The following ANKFN1 variants were observed in gnomAD, a reference collection of about 807,000 sequenced individuals.
ANKFN1 encodes the protein ankyrin repeat and fibronectin type-III domain-containing protein 1.
In ANKFN1, 74 loss-of-function variants were observed where a neutral mutation model predicts 108.7. That is an observed-to-expected ratio of 0.68 (90% CI 0.56 to 0.83). The LOEUF is 0.83. ANKFN1 is among the 40% of genes least tolerant of loss of function. The pLI is 0.00. For synonymous variants in ANKFN1, 547 were observed against 516.2 expected (o/e 1.06, Z -0.81); for missense variants, 1,505 against 1,382.3 (o/e 1.09, Z -1.41).
chr17:56,330,264 C>T (rs1305162680), intron 4 of ANKFN1, among the ~76,000 whole-genome samples: 1 of 152,168 alleles, frequency 6.6e-6, no homozygotes, highest in Non-Finnish European at 1.5e-5. Flanking sequence ...AAAGGAGAAG[C>T]AAAGGCATAT....
intron 3 of ANKFN1, among the ~76,000 whole-genome samples, chr17:56,282,019 CA>C (rs2144248911): frequency 6.6e-6 from 1 of 152,260 alleles, no homozygotes; most frequent in African/African-American, 2.4e-5. Flanking sequence ...TATGTCCATT[CA>C]AAGACCTGTA....
intron 1 of ANKFN1, chr17:56,207,100 T>A (rs1167259927): frequency 1.3e-5 from 2 of 152,214 alleles, no homozygotes; most frequent in Non-Finnish European, 2.9e-5. Context: ...CTTTTTATAT[T>A]TCTCCATCTG....
chr17:56,236,419 C>G (rs1220988984), intron 3 of ANKFN1, among the ~76,000 whole-genome samples: 1 of 152,026 alleles, frequency 6.6e-6, no homozygotes. Flanking sequence ...CCCTAGTTAG[C>G]TGTATTCCTA....
At chr17:56,131,052 A>G (rs1307410674) in intron 4 of ANKFN1, among the ~76,000 whole-genome samples, 1 of 152,114 alleles carries the variant, frequency 6.6e-6, no homozygotes, top group Non-Finnish European at 1.5e-5. Context: ...GTTGAAAGAA[A>G]CCCAGCTTTG....
chr17:56,279,815 G>A (rs1481970353), intron 3 of ANKFN1, among the ~76,000 whole-genome samples: 1 of 152,110 alleles, frequency 6.6e-6, no homozygotes, highest in Non-Finnish European at 1.5e-5. Flanking sequence ...AGTTTTGAAA[G>A]TTTAGGCAAC....
intron 4 of ANKFN1, among the ~76,000 whole-genome samples, chr17:56,343,243 T>A (rs2046006819): frequency 6.6e-6 from 1 of 152,012 alleles, no homozygotes; most frequent in Admixed American, 6.6e-5. Flanking sequence ...CTATCTAGTG[T>A]TCTTTCATTT....
intron 3 of ANKFN1, among the ~76,000 whole-genome samples, chr17:56,277,649 C>A (rs561882355): frequency 5.9e-5 from 9 of 152,208 alleles, no homozygotes; most frequent in Non-Finnish European, 7.4e-5. Context: ...CAGAATCAAA[C>A]CCAAATATGG....
intron 4 of ANKFN1, among the ~76,000 whole-genome samples, chr17:56,091,170 C>T (rs1010259914): frequency 6.6e-6 from 1 of 150,690 alleles, no homozygotes; most frequent in South Asian, 2.1e-4. Flanking sequence ...AATGGTAGAA[C>T]GTGAAAGAGA....
chr17:56,477,316 A>G (rs2050534700), intron 15 of ANKFN1, among the ~76,000 whole-genome samples, 172 bp from the exon 16 acceptor site: 1 of 152,212 alleles, frequency 6.6e-6, no homozygotes, highest in African/African-American at 2.4e-5. Flanking sequence ...AGGTAAGAGT[A>G]GCTGTACCAC....
intron 6 of ANKFN1, among the ~76,000 whole-genome samples, chr17:56,363,038 A>G (rs2046564772): frequency 1.3e-5 from 2 of 152,004 alleles, no homozygotes; most frequent in South Asian, 4.2e-4. Flanking sequence ...GTGAAACTCC[A>G]TCTCTACTAA....
intron 6 of ANKFN1, among the ~76,000 whole-genome samples, chr17:56,359,622 A>G (rs2046461441): frequency 6.6e-6 from 1 of 152,120 alleles, no homozygotes; most frequent in African/African-American, 2.4e-5. Context: ...CAATTACAGA[A>G]TTGCTGTCAT....
intron 8 of ANKFN1, among the ~76,000 whole-genome samples, chr17:56,378,379 A>T (rs955714934): frequency 2.0e-5 from 3 of 152,180 alleles, no homozygotes; most frequent in African/African-American, 7.2e-5. Context: ...AAGAATGGAG[A>T]AAACCCTGAC....
rs546820409 is a variant in ANKFN1, at chr17:56,480,718, G to A, written c.1991G>A (p.Ser664Asn). ...QKLSGSESME[S>N]VDHTSDCPMQ... ...CTTTCTGGCTCTGAATCTATGGAAA[G>A]TGTGGATCATACTTCTGACTGCCCC... is the stretch of plus-strand genomic sequence containing the variant. The change falls in exon 17 of 21, where the codon AGT (serine) becomes AAT (asparagine). Residue 664 changes from serine to asparagine, a missense_variant. Coordinates refer to ENST00000682825, the MANE Select transcript of ANKFN1 (RefSeq NM_001370326.1). 6.8e-6 allele frequency: 11 copies of A among 1,614,058 alleles called. No homozygotes were observed. Among genetic ancestry groups the A allele is most frequent in the African/African-American group, 5.3e-5 (4 of 75,034 alleles).
At chr17:56,215,357 G>A (rs1013312791) in intron 2 of ANKFN1, among the ~76,000 whole-genome samples, 2 of 152,204 alleles carry the variant, frequency 1.3e-5, no homozygotes, top group African/African-American at 4.8e-5. Flanking sequence ...AAATTGGGAT[G>A]AGAATAGCAC....
chr17:56,059,839 G>GTA (rs1226166801), intron 4 of ANKFN1, among the ~76,000 whole-genome samples: 1 of 152,160 alleles, frequency 6.6e-6, no homozygotes, highest in Non-Finnish European at 1.5e-5. Flanking sequence ...TAGCCTTGTA[G>GTA]TATAGTTTGA....
At position 56,176,045 on chromosome 17, in the gene ANKFN1, G is replaced by A. The variant is rs542230917; in HGVS notation, c.-71+22515G>A. Among the ~76,000 whole-genome samples the A allele has an allele frequency of 2.0e-5, 3 of 152,040 alleles. No homozygotes were observed. In the South Asian group the frequency reaches 6.3e-4, roughly 32 times the overall value. On this transcript the variant is annotated intron_variant, in intron 1 of 20. Coordinates refer to ENST00000682825, the MANE Select transcript of ANKFN1 (RefSeq NM_001370326.1). The stretch of plus-strand genomic sequence containing the variant: ...AATCTATTTATTTGATTTTTGCAGA[G>A]TGTGACATGAAGGGGGGTACTGGGA...
At chr17:56,365,191 G>C (rs1567946535) in intron 6 of ANKFN1, among the ~76,000 whole-genome samples, 1 of 152,084 alleles carries the variant, frequency 6.6e-6, no homozygotes, top group Non-Finnish European at 1.5e-5. Context: ...TCAAATCTAA[G>C]TGACCTTGTT....
chr17:56,260,152 A>G (rs959061645), intron 3 of ANKFN1, among the ~76,000 whole-genome samples: 2 of 152,230 alleles, frequency 1.3e-5, no homozygotes, highest in Admixed American at 1.3e-4. Context: ...CAGCTTTCCC[A>G]ATGTGACTTC....
chr17:56,063,467 G>A (rs147167168), intron 4 of ANKFN1, among the ~76,000 whole-genome samples: 2 of 150,272 alleles, frequency 1.3e-5, no homozygotes, highest in East Asian at 4.0e-4. Context: ...TTTTTCTCTA[G>A]TCTTGTCTGT....
Sources: gnomAD v4.1 joint callset for allele counts (sites outside exome capture counted in the v4.1 genomes callset) on GRCh38, gnomAD v4.1.1 for gene constraint, MANE v1.5 for transcripts, NCBI Gene and HGNC (gene_info 2026-07-23, HGNC 2026-07-21) for gene names.